Variants in NMNAT2 observed in about 807,000 individuals in gnomAD.
NMNAT2 encodes nicotinamide nucleotide adenylyltransferase 2, also known as nicotinamide/nicotinic acid mononucleotide adenylyltransferase 2.
Under a neutral mutation model 41.6 loss-of-function variants are expected in NMNAT2, and 11 were observed. The ratio of observed to expected loss-of-function variants is 0.26; its 90% CI spans 0.17 to 0.44. The LOEUF (loss-of-function observed/expected upper bound fraction) is 0.44. Ranked by LOEUF, NMNAT2 falls within the 20% of genes least tolerant of loss-of-function variation. The pLI is 1.00. For synonymous variants in NMNAT2, 148 were observed against 151.2 expected (o/e 0.98, Z 0.16); for missense variants, 288 against 407.7 (o/e 0.71, Z 2.53).
chr1:183,279,727 G>A (rs769344981), intron 7 of NMNAT2, among the ~76,000 whole-genome samples: 11 of 152,206 alleles, frequency 7.2e-5, no homozygotes, highest in Non-Finnish European at 1.2e-4. Context: ...GCCAATGGTG[G>A]GCAATGCCAG....
intron 1 of NMNAT2, among the ~76,000 whole-genome samples, chr1:183,328,095 G>A (rs1182293630): frequency 3.3e-5 from 5 of 152,152 alleles, no homozygotes; most frequent in Admixed American, 2.0e-4. Flanking sequence ...GGGGTCATGG[G>A]AGGGAACCAT....
chr1:183,370,542 T>C lies in NMNAT2; in HGVS notation c.85+47641A>G, dbSNP rs184644446. 7.2e-4 allele frequency among the ~76,000 whole-genome samples: 109 copies of C among 152,172 alleles called. 1 individual carries two copies. Among genetic ancestry groups the C allele is most frequent in the African/African-American group, 2.5e-3 (105 of 41,492 alleles). ...ACTTCTCCACTTCTCCACTTCACCA[T>C]AGAAGGAAACTGAAAAACCTCTGTG... is the stretch of plus-strand genomic sequence containing the variant. On this transcript the variant is annotated intron_variant, in intron 1 of 10. Transcript: ENST00000287713.
intron 8 of NMNAT2, among the ~76,000 whole-genome samples, chr1:183,278,228 TA>T (rs1341408942): frequency 3.3e-5 from 5 of 152,112 alleles, no homozygotes; most frequent in African/African-American, 1.2e-4. Flanking sequence ...ACAATAATCT[TA>T]AAAGGGCAAA....
Position 183,295,332 on chromosome 1 carries a change from A to G in NMNAT2, c.86-1539T>C, listed in dbSNP as rs151046076. Reference sequence around the variant, plus strand: ...TTTTTCTTTCAATGTGAAATTTCTTAGATTAAAAAAAAAATGAATAGACTA... The same window carrying G: ...TTTTTCTTTCAATGTGAAATTTCTTGGATTAAAAAAAAAATGAATAGACTA... On this transcript the variant is annotated intron_variant, in intron 1 of 10. Transcript: ENST00000287713. 1.4e-3 allele frequency among the ~76,000 whole-genome samples: 214 copies of G among 152,178 alleles called. 1 individual carries two copies. Among genetic ancestry groups the G allele is most frequent in the Non-Finnish European group, 2.3e-3 (157 of 68,022 alleles).
chr1:183,315,778 TAAA>T (rs11454305), intron 1 of NMNAT2, among the ~76,000 whole-genome samples: 9 of 125,904 alleles, frequency 7.1e-5, no homozygotes, highest in Admixed American at 1.6e-4. Flanking sequence ...AGACTCCGTG[TAAA>T]AAAAAAAAAA....
chr1:183,284,833 ACAACTCACAACTGGCACT>A (rs1433418920), intron 5 of NMNAT2, 43 bp from the exon 6 acceptor site: 1 of 1,506,480 alleles, frequency 6.6e-7, no homozygotes, highest in African/African-American at 1.4e-5. Flanking sequence ...GTGGGAGAGA[ACAACTCACAACTGGCACT>A]CATGTCGGCC....
chr1:183,261,771 T>A (rs1387552918), intron 8 of NMNAT2, among the ~76,000 whole-genome samples: 1 of 152,190 alleles, frequency 6.6e-6, no homozygotes, highest in Admixed American at 6.5e-5. Context: ...TAAAAACTTC[T>A]GTGGGACTCA....
At chr1:183,354,694 G>A (rs1172105629) in intron 1 of NMNAT2, among the ~76,000 whole-genome samples, 1 of 152,150 alleles carries the variant, frequency 6.6e-6, no homozygotes, top group African/African-American at 2.4e-5. Flanking sequence ...TGGGATTACA[G>A]GCGTGAGCCA....
At chr1:183,408,650 A>G (rs1649028619) in intron 1 of NMNAT2, among the ~76,000 whole-genome samples, 1 of 152,218 alleles carries the variant, frequency 6.6e-6, no homozygotes, top group African/African-American at 2.4e-5. Context: ...AGTGATAGGA[A>G]AAACTGGGGC....
chr1:183,369,034 A>AC (rs1312782098), intron 1 of NMNAT2, among the ~76,000 whole-genome samples: 2 of 151,986 alleles, frequency 1.3e-5, no homozygotes. Flanking sequence ...TGGCTGTGAG[A>AC]CCCCTTCTCA....
chr1:183,310,522 C>A (rs985485452), intron 1 of NMNAT2, among the ~76,000 whole-genome samples: 2 of 152,164 alleles, frequency 1.3e-5, no homozygotes, highest in Non-Finnish European at 2.9e-5. Flanking sequence ...AGGAAGACCC[C>A]TATTCCTAAA....
intron 1 of NMNAT2, among the ~76,000 whole-genome samples, chr1:183,304,020 C>A (rs1661933334): frequency 6.6e-6 from 1 of 152,248 alleles, no homozygotes; most frequent in Non-Finnish European, 1.5e-5. Flanking sequence ...CCTCTCTCTG[C>A]CCTCATACCC....
At chr1:183,396,340 A>G (rs1028998354) in intron 1 of NMNAT2, among the ~76,000 whole-genome samples, 4 of 152,138 alleles carry the variant, frequency 2.6e-5, no homozygotes, top group Admixed American at 2.0e-4. Context: ...TAAAATAATA[A>G]TTGGTTGCAG....
chr1:183,372,588 A>C (rs1045491743), intron 1 of NMNAT2, among the ~76,000 whole-genome samples: 1 of 152,224 alleles, frequency 6.6e-6, no homozygotes, highest in Non-Finnish European at 1.5e-5. Context: ...AATGAAACTA[A>C]AGTTCAGAAC....
intron 1 of NMNAT2, among the ~76,000 whole-genome samples, chr1:183,374,642 G>A (rs1663632719): frequency 2.0e-5 from 3 of 152,134 alleles, no homozygotes; most frequent in African/African-American, 7.2e-5. Context: ...CCACATGCAA[G>A]GAAAATAGAT....
intron 1 of NMNAT2, among the ~76,000 whole-genome samples, chr1:183,412,606 A>C (rs1478077083): frequency 1.3e-5 from 2 of 152,254 alleles, no homozygotes; most frequent in African/African-American, 4.8e-5. Context: ...AAGCTATTGC[A>C]ATAATTCAAA....
At chr1:183,417,198 C>T (rs1296059343) in intron 1 of NMNAT2, among the ~76,000 whole-genome samples, 1 of 152,130 alleles carries the variant, frequency 6.6e-6, no homozygotes, top group Non-Finnish European at 1.5e-5. Context: ...TGGCGCGAGA[C>T]CTCCAATAGG....
chr1:183,384,958 A>AGGGGT (rs1648168753), intron 1 of NMNAT2, among the ~76,000 whole-genome samples: 2 of 152,058 alleles, frequency 1.3e-5, no homozygotes, highest in South Asian at 2.1e-4. Context: ...TTGGGAGTCC[A>AGGGGT]GGGGTGGGGT....
In NMNAT2 at chr1:183,396,618, A is replaced by T. The variant is rs192518397; in HGVS notation, c.85+21565T>A. Among the ~76,000 whole-genome samples, 14 of 152,200 alleles carry T rather than the reference A, an allele frequency of 9.2e-5. No individual in the cohort carries two copies. The East Asian group carries it at 2.7e-3, about 29-fold the overall frequency. On this transcript the variant is annotated intron_variant, in intron 1 of 10. Coordinates refer to ENST00000287713, the MANE Select transcript of NMNAT2 (RefSeq NM_015039.4). ...GCTAGTCAGGCCACTGCACATACGG[A>T]CAGCCTGCCCCAAAATCAAGGAGAA... is the stretch of plus-strand genomic sequence containing the variant.
Sources: gnomAD v4.1 joint callset for allele counts (sites outside exome capture counted in the v4.1 genomes callset) on GRCh38, gnomAD v4.1.1 for gene constraint, MANE v1.5 for transcripts, NCBI Gene and HGNC (gene_info 2026-07-23, HGNC 2026-07-21) for gene names.